PGAP4: variants seen among roughly 807,000 people sequenced by gnomAD.
PGAP4 encodes post-GPI attachment to proteins GalNAc transferase 4.
Under a neutral mutation model 28.2 loss-of-function variants are expected in PGAP4, and 12 were observed. The ratio of observed to expected loss-of-function variants is 0.42; its 90% CI spans 0.27 to 0.69. PGAP4 has a LOEUF of 0.69. Among genes scored for constraint, PGAP4 ranks in the 30% least tolerant of loss-of-function variants. PGAP4 has a pLI of 0.22. For missense variants in PGAP4, 425 were observed against 513.5 expected (o/e 0.83, Z 1.67); for synonymous variants, 205 against 211.8 (o/e 0.97, Z 0.28).
intron 2 of PGAP4, chr9:101,501,684 C>T: frequency 1.9e-6 from 1 of 518,008 alleles, no homozygotes; most frequent in East Asian, 5.5e-5. Context: ...CTGTAATCCA[C>T]ATTCACTGAG....
Position 101,477,114 on chromosome 9 carries a change from C to G in PGAP4, c.-22G>C. On this transcript the variant is annotated 5_prime_UTR_variant, in exon 2 of 2. Transcript: ENST00000374848. ...TCATGAGGTCAACTTTTGTTCATGT[C>G]TGGTCCCAAGAAAAAACCATCCTGG... 1 of 1,531,352 alleles carries G rather than the reference C, an allele frequency of 6.5e-7. No homozygotes were observed. The highest frequency in any genetic ancestry group is 2.3e-5 in the East Asian group (1 of 44,228). The allele number at this position is 1,531,352 out of a possible 1,614,324, so 94.9% of individuals were successfully genotyped here.
In PGAP4 at chr9:101,476,584, C is replaced by A; in HGVS notation, c.509G>T (p.Gly170Val). ...KYVPVANRYE[G>V]TEDDYGDDPS... ...GTCATCACCATAATCATCCTCAGTGCCCTCATAGCGATTGGCCACAGGGAC... is the reference window on the plus strand; with the variant it reads ...GTCATCACCATAATCATCCTCAGTGACCTCATAGCGATTGGCCACAGGGAC... Residue 170 changes from glycine to valine, a missense_variant, in exon 2 of 2, where the codon GGC (glycine) becomes GTC (valine). Gly to Val is a moderately radical substitution (Grantham distance 109). Transcript: ENST00000374848. The surrounding 1 kb of genome is among the most constrained non-coding windows in gnomAD (Gnocchi z 7.0). 6.2e-7 allele frequency: 1 copy of A among 1,614,184 alleles called. No homozygotes were observed. Among genetic ancestry groups the A allele is most frequent in the Middle Eastern group, 1.6e-4 (1 of 6,062 alleles).
intron 2 of PGAP4, among the ~76,000 whole-genome samples, chr9:101,498,401 C>T (rs1423647634): frequency 1.3e-5 from 2 of 151,554 alleles, no homozygotes; most frequent in Non-Finnish European, 2.9e-5. Context: ...GCTAATCAGG[C>T]AAACCTAAAT....
intron 2 of PGAP4, among the ~76,000 whole-genome samples, chr9:101,510,719 C>T (rs1217508904): frequency 6.6e-6 from 1 of 151,988 alleles, no homozygotes; most frequent in Non-Finnish European, 1.5e-5. Flanking sequence ...GTGGGCTTAC[C>T]AAAACTGTGA....
chr9:101,499,933 C>G (rs1290131170), intron 2 of PGAP4, among the ~76,000 whole-genome samples: 1 of 151,876 alleles, frequency 6.6e-6, no homozygotes, highest in African/African-American at 2.4e-5. Context: ...TTATATACAA[C>G]CCTAATTTAA....
At chr9:101,479,195 A>G (rs1039628705) in intron 1 of PGAP4, among the ~76,000 whole-genome samples, 6 of 152,258 alleles carry the variant, frequency 3.9e-5, no homozygotes, top group African/African-American at 1.4e-4. Context: ...AATGGAGTTA[A>G]CAAACCATGT....
rs71356369 is a variant in PGAP4, at chr9:101,523,619, C to CTTTTTTT, written c.-165+7722_-165+7728dup. ...ACATTTCTCCCCTCACTTCTTGTAT[C>CTTTTTTT]TTTTTTTTTTTTTTTTTTTTTTTTT... is the stretch of plus-strand genomic sequence containing the variant. On this transcript the variant is annotated intron_variant, in intron 2 of 3. Transcript: ENST00000374851. 4.6e-3 allele frequency among the ~76,000 whole-genome samples: 275 copies of CTTTTTTT among 59,266 alleles called. 14 individuals are homozygous for CTTTTTTT. The highest frequency in any genetic ancestry group is 5.4e-3 in the Non-Finnish European group (175 of 32,432). The allele number at this position is 59,266 out of a possible 152,430, so 38.9% of individuals were successfully genotyped here.
rs1329645795 is a variant in PGAP4, at chr9:101,525,022, G to T, written c.-165+6326C>A. ...GCTATCTCCAGTCCTTCGTTCATGA[G>T]CACTTGGGTTGATTCCATGTCTTTG... is the stretch of plus-strand genomic sequence containing the variant. On this transcript the variant is annotated intron_variant, in intron 2 of 3. Coordinates refer to the PGAP4 transcript ENST00000374851. Among the ~76,000 whole-genome samples, 4 of 152,200 alleles carry T rather than the reference G, an allele frequency of 2.6e-5. No individual in the cohort carries two copies. The East Asian group carries it at 7.7e-4, about 29-fold the overall frequency.
At chr9:101,514,014 T>C (rs1297018540) in intron 2 of PGAP4, among the ~76,000 whole-genome samples, 8 of 151,816 alleles carry the variant, frequency 5.3e-5, no homozygotes, top group African/African-American at 1.9e-4. Context: ...CTCTTCTTTT[T>C]TTTTTTTGTT....
intron 2 of PGAP4, among the ~76,000 whole-genome samples, chr9:101,510,836 C>G (rs1826891574): frequency 1.3e-5 from 2 of 152,118 alleles, no homozygotes; most frequent in Non-Finnish European, 1.5e-5. Context: ...TGACTTAAAG[C>G]CTGCCACCAG....
At chr9:101,492,368 A>G (rs932514682) in intron 2 of PGAP4, among the ~76,000 whole-genome samples, 1 of 151,900 alleles carries the variant, frequency 6.6e-6, no homozygotes, top group Non-Finnish European at 1.5e-5. Context: ...AATTTTTTGT[A>G]TTTTTAGTAG....
At chr9:101,509,627 A>G (rs1826877975) in intron 2 of PGAP4, among the ~76,000 whole-genome samples, 1 of 152,166 alleles carries the variant, frequency 6.6e-6, no homozygotes, top group Non-Finnish European at 1.5e-5. Flanking sequence ...AACAGACATC[A>G]GTTAAGGGCA....
intron 2 of PGAP4, among the ~76,000 whole-genome samples, chr9:101,499,638 A>G (rs1826780632): frequency 6.6e-6 from 1 of 152,098 alleles, no homozygotes; most frequent in African/African-American, 2.4e-5. Context: ...CTGTGCAGAA[A>G]TATCTTTTGC....
intron 2 of PGAP4, among the ~76,000 whole-genome samples, chr9:101,507,421 G>C (rs1408118089): frequency 6.6e-6 from 1 of 152,088 alleles, no homozygotes; most frequent in Non-Finnish European, 1.5e-5. Flanking sequence ...GATTTGCCCA[G>C]ACCTGTAAAT....
chr9:101,514,160 T>C (rs961155563), intron 2 of PGAP4, among the ~76,000 whole-genome samples: 6 of 152,192 alleles, frequency 3.9e-5, no homozygotes, highest in African/African-American at 1.4e-4. Flanking sequence ...CTATACCAGT[T>C]CTCTAGGTAT....
upstream of PGAP4, among the ~76,000 whole-genome samples, chr9:101,488,783 A>T (rs953302346): frequency 4.6e-5 from 7 of 152,222 alleles, no homozygotes; most frequent in Non-Finnish European, 8.8e-5. Context: ...TGAAATGCTC[A>T]GTACCTACAT....
chr9:101,482,912 G>C (rs933069943), intron 1 of PGAP4, among the ~76,000 whole-genome samples: 1 of 152,112 alleles, frequency 6.6e-6, no homozygotes, highest in Non-Finnish European at 1.5e-5. Context: ...CTAGACCCTT[G>C]CATCTATTTC....
At position 101,523,619 on chromosome 9, in the gene PGAP4, C is replaced by CATTTTTTTTTTTTTTTTTTTTTTTTT. The variant is rs1245170432; in HGVS notation, c.-165+7728_-165+7729insAAAAAAAAAAAAAAAAAAAAAAAAAT. Among the ~76,000 whole-genome samples, 21 of 59,348 alleles carry CATTTTTTTTTTTTTTTTTTTTTTTTT rather than the reference C, an allele frequency of 3.5e-4. 2 individuals are homozygous for CATTTTTTTTTTTTTTTTTTTTTTTTT. Among genetic ancestry groups the CATTTTTTTTTTTTTTTTTTTTTTTTT allele is most frequent in the African/African-American group, 5.7e-4 (8 of 14,128 alleles). The allele number at this position is 59,348 out of a possible 152,430, so 38.9% of individuals were successfully genotyped here. A position where few individuals can be genotyped will look rare whatever the true frequency, so the allele number is the denominator to read the frequency against. On this transcript the variant is annotated intron_variant, in intron 2 of 3. Coordinates refer to the PGAP4 transcript ENST00000374851. The stretch of plus-strand genomic sequence containing the variant: ...ACATTTCTCCCCTCACTTCTTGTAT[C>CATTTTTTTTTTTTTTTTTTTTTTTTT]TTTTTTTTTTTTTTTTTTTTTTTTT...
intron 2 of PGAP4, among the ~76,000 whole-genome samples, chr9:101,498,993 T>A (rs1588205729): frequency 6.6e-6 from 1 of 151,856 alleles, no homozygotes; most frequent in East Asian, 1.9e-4. Flanking sequence ...GGTGTGCAGA[T>A]CAAATGAAAT....
Sources: allele counts gnomAD v4.1 joint callset (sites outside exome capture counted in the v4.1 genomes callset), GRCh38; gene constraint gnomAD v4.1.1; non-coding constraint Gnocchi (gnomAD v3.1); transcripts MANE v1.5; gene names NCBI Gene and HGNC (gene_info 2026-07-23, HGNC 2026-07-21).